Variants in KIT observed in about 807,000 individuals in gnomAD.
KIT encodes KIT proto-oncogene, receptor tyrosine kinase, also known as mast/stem cell growth factor receptor Kit.
In KIT, 16 loss-of-function variants were observed where a neutral mutation model predicts 105.7. That is an observed-to-expected ratio of 0.15 (90% confidence interval 0.10 to 0.23). KIT has a LOEUF of 0.23. Among genes scored for constraint, KIT ranks in the 10% least tolerant of loss-of-function variants. The pLI is 1.00. For synonymous variants in KIT, 438 were observed against 441.1 expected (o/e 0.99, Z 0.09); for missense variants, 858 against 1,213.8 (o/e 0.71, Z 4.36).
At chr4:54,663,627 GAT>G (rs1560370959) in intron 1 of KIT, among the ~76,000 whole-genome samples, 1 of 151,746 alleles carries the variant, frequency 6.6e-6, no homozygotes, top group Non-Finnish European at 1.5e-5. Context: ...CACCAAAAGA[GAT>G]ACAAATTTCT....
At chr4:54,704,035 G>A (rs1720629181) in intron 5 of KIT, 143 bp downstream of exon 5, 1 of 805,070 alleles carries the variant, frequency 1.2e-6, no homozygotes, top group African/African-American at 1.7e-5. Flanking sequence ...TATCCTTGTA[G>A]CCTCTTGCAA....
chr4:54,685,662 G>T (rs1050290236), intron 1 of KIT, among the ~76,000 whole-genome samples: 1 of 152,148 alleles, frequency 6.6e-6, no homozygotes, highest in Non-Finnish European at 1.5e-5. Flanking sequence ...GGCCTCCGGG[G>T]GTTCTGCCCT....
chr4:54,709,891 T>C (rs1721030553), intron 7 of KIT, among the ~76,000 whole-genome samples: 1 of 152,108 alleles, frequency 6.6e-6, no homozygotes, highest in African/African-American at 2.4e-5. Flanking sequence ...AATTACTGCG[T>C]TAGGTAGGGA....
chr4:54,707,211 C>T lies in KIT; in HGVS notation c.1039C>T (p.Gln347Ter). 1.2e-6 allele frequency: 2 copies of T among 1,610,392 alleles called. No individual in the cohort carries two copies. The highest frequency in any genetic ancestry group is 8.5e-7 in the Non-Finnish European group (1 of 1,176,584). The part of the protein sequence containing the change: ...YEAFPKPEHQ[Q>*]WIYMNRTFTD... ...AGCATTCCCCAAACCTGAACACCAGCAGTGGATCTATATGAACAGAACCTT... is the reference window on the plus strand; with the variant it reads ...AGCATTCCCCAAACCTGAACACCAGTAGTGGATCTATATGAACAGAACCTT... Residue 347 changes from glutamine (Q) to a stop codon, truncating the protein, a stop_gained, in exon 6 of 21, where the codon CAG becomes TAG. Transcript: ENST00000288135. LOFTEE classifies it high-confidence loss of function.
In KIT at chr4:54,732,013, T is replaced by C. The variant is rs1358973445; in HGVS notation, c.2361+15T>C. ...CCTCCAAGAATGTAAGTGGGAGTGA[T>C]TCTCTAAAGAGTTTTGTGTTTTGTT... On this transcript the variant is annotated intron_variant, in intron 16 of 20. Transcript: ENST00000288135. 1 of 1,612,828 alleles carries C rather than the reference T, an allele frequency of 6.2e-7. No individual in the cohort carries two copies. The highest frequency in any genetic ancestry group is 8.5e-7 in the Non-Finnish European group (1 of 1,179,308).
chr4:54,681,005 G>C (rs557312294), intron 1 of KIT, among the ~76,000 whole-genome samples: 23 of 152,188 alleles, frequency 1.5e-4, no homozygotes, highest in Middle Eastern at 3.4e-3. Flanking sequence ...CTAGGTCTTG[G>C]GGGGGTGAAG....
At chr4:54,688,935 T>G (rs774536231) in intron 1 of KIT, among the ~76,000 whole-genome samples, 2 of 152,180 alleles carry the variant, frequency 1.3e-5, no homozygotes, top group Non-Finnish European at 2.9e-5. Context: ...CAAAGCCTCT[T>G]CTTTGAGTTT....
chr4:54,709,931 C>A (rs1274047810), intron 7 of KIT, among the ~76,000 whole-genome samples: 2 of 152,196 alleles, frequency 1.3e-5, no homozygotes. Context: ...GACGTGATTT[C>A]TTTGTTCAGT....
Position 54,738,431 on chromosome 4 carries a change from T to G in KIT, c.2805T>G (p.Ile935Met). 6.2e-7 allele frequency: 1 copy of G among 1,614,040 alleles called. No individual in the cohort carries two copies. The highest frequency in any genetic ancestry group is 1.1e-5 in the South Asian group (1 of 91,076). ...EKQISESTNH[I>M]YSNLANCSPN... Reference sequence around the variant, plus strand: ...GACTATGGGCTTGTTTTCTCCAGATTTACTCCAACTTAGCAAACTGCAGCC... The same window carrying G: ...GACTATGGGCTTGTTTTCTCCAGATGTACTCCAACTTAGCAAACTGCAGCC... Residue 935 changes from isoleucine to methionine, a missense_variant and splice_region_variant, in exon 21 of 21, where the codon ATT (isoleucine) becomes ATG (methionine). Transcript: ENST00000288135.
chr4:54,669,934 G>A (rs1048699849), intron 1 of KIT, among the ~76,000 whole-genome samples: 1 of 152,126 alleles, frequency 6.6e-6, no homozygotes, highest in Non-Finnish European at 1.5e-5. Context: ...AGTGGAGTCA[G>A]GGAAGCTTTG....
intron 1 of KIT, among the ~76,000 whole-genome samples, chr4:54,680,532 C>T (rs945476439): frequency 2.6e-5 from 4 of 151,918 alleles, no homozygotes; most frequent in Non-Finnish European, 5.9e-5. Flanking sequence ...GCTGGGACTA[C>T]AGGCGCCCGC....
intron 9 of KIT, among the ~76,000 whole-genome samples, chr4:54,726,922 T>C (rs139480218): frequency 2.7e-4 from 41 of 152,266 alleles, no homozygotes; most frequent in African/African-American, 7.2e-4. Flanking sequence ...AGGAATTTGA[T>C]TGAAGTATAA....
rs1368227395 is a variant in KIT, at chr4:54,736,747, G to C, written c.2623G>C (p.Val875Leu). ...LGSSPYPGMP[V>L]DSKFYKMIKE... ...AAGCAGCCCCTATCCTGGAATGCCG[G>C]TCGATTCTAAGTTCTACAAGATGAT... The change falls in exon 19 of 21, where the codon GTC becomes CTC. Residue 875 changes from valine to leucine, a missense_variant. Physicochemically the swap from Val to Leu is conservative, Grantham distance 32. Transcript: ENST00000288135. 6.2e-7 allele frequency: 1 copy of C among 1,614,128 alleles called. No individual in the cohort carries two copies. The highest frequency in any genetic ancestry group is 2.2e-5 in the East Asian group (1 of 44,872).
intron 6 of KIT, among the ~76,000 whole-genome samples, chr4:54,708,751 G>A (rs1720950284): frequency 6.6e-6 from 1 of 152,190 alleles, no homozygotes; most frequent in Admixed American, 6.5e-5. Flanking sequence ...TGGTGTTGTG[G>A]CCCATGTGGA....
chr4:54,691,452 G>T (rs531266162), intron 1 of KIT, among the ~76,000 whole-genome samples: 2 of 152,158 alleles, frequency 1.3e-5, no homozygotes, highest in South Asian at 4.2e-4. Flanking sequence ...TCTTCAGCGG[G>T]GCTTTACACA....
chr4:54,668,091 G>A (rs963467516), intron 1 of KIT, among the ~76,000 whole-genome samples: 1 of 152,180 alleles, frequency 6.6e-6, no homozygotes, highest in Non-Finnish European at 1.5e-5. Flanking sequence ...CAACAAACAA[G>A]CCTGCAAACC....
chr4:54,693,766 A>T (rs562731532), intron 1 of KIT, among the ~76,000 whole-genome samples: 2 of 152,284 alleles, frequency 1.3e-5, no homozygotes, highest in African/African-American at 4.8e-5. Flanking sequence ...TGGGGGCCCC[A>T]GGGAATCTTG....
chr4:54,700,023 T>C (rs1720355297), intron 4 of KIT, among the ~76,000 whole-genome samples: 1 of 152,222 alleles, frequency 6.6e-6, no homozygotes, highest in Non-Finnish European at 1.5e-5. Flanking sequence ...ATTCATGTTA[T>C]TACTTCATGC....
At chr4:54,659,541 AGTCTGCAGCGTCCTG>A (rs1717087490) in intron 1 of KIT, among the ~76,000 whole-genome samples, 1 of 152,208 alleles carries the variant, frequency 6.6e-6, no homozygotes, top group Admixed American at 6.5e-5. Context: ...CTCCAGGCGC[AGTCTGCAGCGTCCTG>A]GACTTGTAAC....
Sources: allele counts gnomAD v4.1 joint callset (sites outside exome capture counted in the v4.1 genomes callset), GRCh38; gene constraint gnomAD v4.1.1; transcripts MANE v1.5; gene names NCBI Gene and HGNC (gene_info 2026-07-23, HGNC 2026-07-21).